Variants in NCKAP5 observed in about 807,000 individuals in gnomAD.
NCKAP5 encodes the protein NCK associated protein 5.
A neutral mutation model predicts 167.0 loss-of-function variants in NCKAP5; 92 were observed. That is an observed-to-expected ratio of 0.55 (90% confidence interval 0.47 to 0.66). The LOEUF (loss-of-function observed/expected upper bound fraction) is 0.66. Among genes scored for constraint, NCKAP5 ranks in the 30% least tolerant of loss-of-function variants. The probability of loss-of-function intolerance (pLI) is 0.00; values close to 1 mark genes in which losing one functional copy is unlikely to be tolerated. For synonymous variants in NCKAP5, 891 were observed against 877.4 expected, an observed-to-expected ratio of 1.02 and a Z score of -0.27; for missense variants, 2,378 against 2,315.0, an observed-to-expected ratio of 1.03 and a Z score of -0.56.
At chr2:133,605,253 GGTTGGTCCCTGTGAATTTGA>G in the NCKAP5 span, among the ~76,000 whole-genome samples, 1 of 152,072 alleles carries the variant, frequency 6.6e-6, no homozygotes, top group African/African-American at 2.4e-5. Flanking sequence ...TAAATTGGTT[GGTTGGTCCCTGTGAATTTGA>G]GTTTATCCTC....
At chr2:133,304,688 A>G (rs1680648656) in intron 3 of NCKAP5, among the ~76,000 whole-genome samples, 1 of 152,216 alleles carries the variant, frequency 6.6e-6, no homozygotes, top group Admixed American at 6.5e-5. Flanking sequence ...CAGATCTTAA[A>G]GTTATTCATT....
chr2:133,386,164 G>T (rs576549955), intron 3 of NCKAP5, among the ~76,000 whole-genome samples: 33 of 152,022 alleles, frequency 2.2e-4, no homozygotes, highest in South Asian at 6.3e-4. Flanking sequence ...AGATCTTTCC[G>T]GCTTTCTCTT....
intron 5 of NCKAP5, among the ~76,000 whole-genome samples, chr2:133,177,514 T>C (rs769154260): frequency 6.6e-6 from 1 of 152,100 alleles, no homozygotes. Context: ...CAAACATGGA[T>C]TACTGCCAGC....
At chr2:133,404,140 C>T (rs1688276533) in intron 3 of NCKAP5, among the ~76,000 whole-genome samples, 1 of 152,212 alleles carries the variant, frequency 6.6e-6, no homozygotes. Flanking sequence ...AAGAGACTGG[C>T]TTCCAATTTT....
At chr2:133,577,336 A>G in the NCKAP5 span, among the ~76,000 whole-genome samples, 1 of 152,170 alleles carries the variant, frequency 6.6e-6, no homozygotes, top group Non-Finnish European at 1.5e-5. Flanking sequence ...ACATGAATAC[A>G]AAAGTACCTG....
At chr2:133,062,226 C>G (rs767004924) in intron 6 of NCKAP5, among the ~76,000 whole-genome samples, 1 of 152,130 alleles carries the variant, frequency 6.6e-6, no homozygotes, top group South Asian at 2.1e-4. Flanking sequence ...CAAATATTTA[C>G]GCTTGGAATT....
At chr2:133,085,587 T>C (rs1471938086) in intron 6 of NCKAP5, among the ~76,000 whole-genome samples, 1 of 152,176 alleles carries the variant, frequency 6.6e-6, no homozygotes. Context: ...CCAGTTCCTT[T>C]TGGTCTGGTC....
intron 2 of NCKAP5, among the ~76,000 whole-genome samples, chr2:133,556,571 A>T (rs1687754555): frequency 6.6e-6 from 1 of 152,040 alleles, no homozygotes; most frequent in Admixed American, 6.5e-5. Context: ...GTACACTAAG[A>T]AAATACTCAT....
At chr2:133,061,595 A>C (rs1185328848) in intron 6 of NCKAP5, among the ~76,000 whole-genome samples, 4 of 152,244 alleles carry the variant, frequency 2.6e-5, no homozygotes, top group African/African-American at 9.6e-5. Flanking sequence ...GATCAAGAGC[A>C]CAGCTAGGAC....
intron 4 of NCKAP5, among the ~76,000 whole-genome samples, chr2:133,227,042 G>C (rs2086925061): frequency 6.6e-6 from 1 of 152,148 alleles, no homozygotes; most frequent in South Asian, 2.1e-4. Context: ...TTCCGACCAG[G>C]AGAATCAAGG....
intron 8 of NCKAP5, among the ~76,000 whole-genome samples, chr2:132,915,288 C>T (rs971445729): frequency 2.6e-5 from 4 of 152,070 alleles, no homozygotes; most frequent in East Asian, 1.9e-4. Flanking sequence ...GACGAGAGGC[C>T]GTCCTGTGTG....
chr2:133,284,190 AAATAG>A (rs1375849592), intron 4 of NCKAP5, among the ~76,000 whole-genome samples: 1 of 151,910 alleles, frequency 6.6e-6, no homozygotes, highest in Non-Finnish European at 1.5e-5. Flanking sequence ...TATATAATAT[AAATAG>A]AATAAACATA....
Position 133,526,226 on chromosome 2 carries a change from A to AG in NCKAP5, c.-61-8640dup, listed in dbSNP as rs1558755369. 8.7e-3 allele frequency among the ~76,000 whole-genome samples: 968 copies of AG among 110,694 alleles called. 70 individuals carry two copies. The highest frequency in any genetic ancestry group is 0.05 in the East Asian group (165 of 3,322). 72.6% of individuals were successfully genotyped at this position (110,694 alleles called of 152,430 possible). ...AAGGAAGGAAGGAAGGAAGGAAGGA[A>AG]GAAAGGAAAGGAGGGAGGGAAGGAG... is the stretch of plus-strand genomic sequence containing the variant. On this transcript the variant is annotated intron_variant, in intron 2 of 19. Coordinates refer to ENST00000409261, the MANE Select transcript of NCKAP5 (RefSeq NM_207363.3).
At chr2:133,090,019 T>C (rs1246664742) in intron 6 of NCKAP5, among the ~76,000 whole-genome samples, 2 of 152,048 alleles carry the variant, frequency 1.3e-5, no homozygotes, top group East Asian at 3.9e-4. Context: ...TCTCACAAAA[T>C]GCAGGTTCTA....
intron 7 of NCKAP5, among the ~76,000 whole-genome samples, chr2:132,990,381 A>G (rs140237612): frequency 2.1e-4 from 32 of 152,362 alleles, no homozygotes; most frequent in Admixed American, 3.9e-4. Flanking sequence ...GCATCTTTGC[A>G]TCTCTGGTAC....
At chr2:133,336,683 A>T (rs1406824939) in intron 3 of NCKAP5, among the ~76,000 whole-genome samples, 1 of 152,218 alleles carries the variant, frequency 6.6e-6, no homozygotes, top group Non-Finnish European at 1.5e-5. Flanking sequence ...GGTAGTCTCA[A>T]TTCCAGCTCC....
At chr2:133,291,516 T>C (rs1289700502) in intron 4 of NCKAP5, among the ~76,000 whole-genome samples, 1 of 152,218 alleles carries the variant, frequency 6.6e-6, no homozygotes, top group Non-Finnish European at 1.5e-5. Context: ...ATGTGATTCA[T>C]GTGGTAGCAC....
chr2:133,537,843 T>C (rs1685878979), intron 2 of NCKAP5, among the ~76,000 whole-genome samples: 1 of 152,176 alleles, frequency 6.6e-6, no homozygotes, highest in East Asian at 1.9e-4. Flanking sequence ...GAATAAATTA[T>C]AAGACTTCCA....
chr2:133,642,962 G>A, the NCKAP5 span, among the ~76,000 whole-genome samples: 201 of 152,060 alleles, frequency 1.3e-3, no homozygotes, highest in African/African-American at 4.7e-3. Context: ...GAGGAAGAAT[G>A]CCATCATTGC....
Sources: gnomAD v4.1 joint callset for allele counts (sites outside exome capture counted in the v4.1 genomes callset) on GRCh38, gnomAD v4.1.1 for gene constraint, MANE v1.5 for transcripts, NCBI Gene and HGNC (gene_info 2026-07-23, HGNC 2026-07-21) for gene names.